SLCO3A1: variants seen among roughly 807,000 people sequenced by gnomAD.
SLCO3A1 encodes the protein PGE1 transporter.
Under a neutral mutation model 63.1 loss-of-function variants are expected in SLCO3A1, and 27 were observed. That is an observed-to-expected ratio of 0.43 (90% CI 0.32 to 0.59). The LOEUF (loss-of-function observed/expected upper bound fraction) is 0.59. Among genes scored for constraint, SLCO3A1 ranks in the 20% least tolerant of loss-of-function variants. SLCO3A1 has a pLI of 0.09. For synonymous variants in SLCO3A1, 473 were observed against 409.9 expected (o/e 1.15, Z -1.86); for missense variants, 773 against 945.8 (o/e 0.82, Z 2.40).
intron 5 of SLCO3A1, among the ~76,000 whole-genome samples, chr15:92,125,559 G>A (rs1186373728): frequency 6.6e-6 from 1 of 152,078 alleles, no homozygotes; most frequent in East Asian, 1.9e-4. Flanking sequence ...TGAATTCCGT[G>A]ACCTTTAGGT....
intron 2 of SLCO3A1, among the ~76,000 whole-genome samples, chr15:92,037,458 T>C (rs866062786): frequency 3.9e-5 from 6 of 152,294 alleles, no homozygotes; most frequent in Middle Eastern, 6.8e-3. Flanking sequence ...AAAAGCCCAG[T>C]GCAAAATGAA....
chr15:91,976,571 CTATCGGGGAATCCACGTTGGGCACCAGA>C (rs1364980965), intron 2 of SLCO3A1, among the ~76,000 whole-genome samples: 2 of 152,162 alleles, frequency 1.3e-5, no homozygotes, highest in South Asian at 4.1e-4. Flanking sequence ...AGCCTCAACT[CTATCGGGGAATCCACGTTGGGCACCAGA>C]TATCGGGGAA....
intron 2 of SLCO3A1, among the ~76,000 whole-genome samples, chr15:92,032,282 G>A (rs1334531022): frequency 6.6e-6 from 1 of 152,140 alleles, no homozygotes; most frequent in African/African-American, 2.4e-5. Flanking sequence ...AGTGGGGCCA[G>A]GTGTGAGGAG....
chr15:92,020,480 A>G (rs1170916399), intron 2 of SLCO3A1, among the ~76,000 whole-genome samples: 3 of 152,238 alleles, frequency 2.0e-5, no homozygotes, highest in Non-Finnish European at 2.9e-5. Context: ...GAAAAAATAC[A>G]TCCCAGGTTT....
intron 2 of SLCO3A1, among the ~76,000 whole-genome samples, chr15:92,015,193 A>G (rs2046411479): frequency 6.6e-6 from 1 of 152,100 alleles, no homozygotes; most frequent in African/African-American, 2.4e-5. Context: ...AACTTGGTAC[A>G]TTTAATGCCA....
At chr15:92,115,749 G>A (rs181740677) in intron 4 of SLCO3A1, among the ~76,000 whole-genome samples, 1 of 134,094 alleles carries the variant, frequency 7.5e-6, no homozygotes, top group East Asian at 2.3e-4. Flanking sequence ...TCCTCTTTCA[G>A]CTCTACAATT....
chr15:92,049,936 A>G (rs2046937084), intron 2 of SLCO3A1, among the ~76,000 whole-genome samples: 1 of 152,188 alleles, frequency 6.6e-6, no homozygotes, highest in Non-Finnish European at 1.5e-5. Flanking sequence ...ATCACAGAAG[A>G]GTTCAGAACC....
At chr15:92,141,877 G>A (rs1016965039) in intron 7 of SLCO3A1, among the ~76,000 whole-genome samples, 1 of 152,160 alleles carries the variant, frequency 6.6e-6, no homozygotes, top group Non-Finnish European at 1.5e-5. Context: ...CTTGCCATCT[G>A]ACCACAACTG....
chr15:92,092,291 C>A (rs1351380409), intron 2 of SLCO3A1, among the ~76,000 whole-genome samples: 2 of 152,030 alleles, frequency 1.3e-5, no homozygotes, highest in Non-Finnish European at 2.9e-5. Flanking sequence ...TCTCATTATT[C>A]AGTCTGTAGG....
chr15:91,946,247 C>T (rs1899801653), intron 2 of SLCO3A1, among the ~76,000 whole-genome samples: 1 of 152,194 alleles, frequency 6.6e-6, no homozygotes, highest in African/African-American at 2.4e-5. Flanking sequence ...AGCCACTCAG[C>T]TGGTGTCACC....
chr15:91,961,434 A>G (rs1232327028), intron 2 of SLCO3A1, among the ~76,000 whole-genome samples: 1 of 152,246 alleles, frequency 6.6e-6, no homozygotes, highest in Non-Finnish European at 1.5e-5. Flanking sequence ...GGGCAGAAGA[A>G]CAGCTCTCTG....
chr15:91,920,871 A>C (rs746684918), intron 2 of SLCO3A1, among the ~76,000 whole-genome samples: 9 of 152,174 alleles, frequency 5.9e-5, no homozygotes, highest in Non-Finnish European at 1.3e-4. Context: ...GATGGTATCT[A>C]AAGCTTAGTT....
chr15:92,085,234 G>A (rs2047391212), intron 2 of SLCO3A1, among the ~76,000 whole-genome samples: 1 of 152,162 alleles, frequency 6.6e-6, no homozygotes, highest in Admixed American at 6.5e-5. Flanking sequence ...AAGGGCAACT[G>A]GGCTTCCCTG....
chr15:92,056,024 T>C (rs2047016855), intron 2 of SLCO3A1, among the ~76,000 whole-genome samples: 1 of 152,152 alleles, frequency 6.6e-6, no homozygotes, highest in East Asian at 1.9e-4. Flanking sequence ...AACTAAGCAG[T>C]TACCTAGTGC....
chr15:92,059,166 C>A (rs561610752), intron 2 of SLCO3A1, among the ~76,000 whole-genome samples: 1 of 152,340 alleles, frequency 6.6e-6, no homozygotes, highest in South Asian at 2.1e-4. Flanking sequence ...TCTCCACCCT[C>A]TCTTACCAAG....
At chr15:92,139,429 A>G (rs2048099867) in intron 7 of SLCO3A1, among the ~76,000 whole-genome samples, 1 of 152,056 alleles carries the variant, frequency 6.6e-6, no homozygotes, top group African/African-American at 2.4e-5. Flanking sequence ...ATATTGGTCT[A>G]AAATTTTCTT....
chr15:91,870,588 T>G (rs1317867660), intron 1 of SLCO3A1, among the ~76,000 whole-genome samples: 1 of 152,268 alleles, frequency 6.6e-6, no homozygotes. Flanking sequence ...GGAGAATTTC[T>G]TTGTATTATC....
At position 91,865,176 on chromosome 15, in the gene SLCO3A1, G is replaced by A. The variant is rs1897135205; in HGVS notation, c.180+11088G>A. 6.6e-6 allele frequency among the ~76,000 whole-genome samples: 1 copy of A among 152,168 alleles called. No individual in the cohort carries two copies. Among genetic ancestry groups the A allele is most frequent in the South Asian group, 2.1e-4 (1 of 4,834 alleles). Reference sequence around the variant, plus strand: ...TCCTGCCTTCCTGGACTAATTCTGAGCTCTTTTGTACTTTATTTGGGAACA... The same window carrying A: ...TCCTGCCTTCCTGGACTAATTCTGAACTCTTTTGTACTTTATTTGGGAACA... On this transcript the variant is annotated intron_variant, in intron 1 of 9. Transcript: ENST00000318445. This position sits in a 1 kb window ranked among gnomAD's most constrained non-coding sequence, Gnocchi z 4.6.
chr15:92,056,922 CTG>C (rs1300681709), intron 2 of SLCO3A1, among the ~76,000 whole-genome samples: 1 of 152,210 alleles, frequency 6.6e-6, no homozygotes, highest in Non-Finnish European at 1.5e-5. Flanking sequence ...GGTTTCTTTA[CTG>C]TGTTACCCAG....
Sources: gnomAD v4.1 joint callset for allele counts (sites outside exome capture counted in the v4.1 genomes callset) on GRCh38, gnomAD v4.1.1 for gene constraint, Gnocchi (gnomAD v3.1) non-coding constraint, MANE v1.5 for transcripts, NCBI Gene and HGNC (gene_info 2026-07-23, HGNC 2026-07-21) for gene names.